The following ADAMTS17 variants were observed in gnomAD, a reference collection of about 807,000 sequenced individuals.
ADAMTS17 encodes the protein A disintegrin and metalloproteinase with thrombospondin motifs 17.
A neutral mutation model predicts 141.5 loss-of-function variants in ADAMTS17; 113 were observed. The ratio of observed to expected loss-of-function variants is 0.80; its 90% CI spans 0.69 to 0.93. The LOEUF (loss-of-function observed/expected upper bound fraction) is 0.93, where lower values mean the gene tolerates loss of function less well. ADAMTS17 is among the 40% of genes least tolerant of loss of function. The probability of loss-of-function intolerance (pLI) is 0.00; values close to 1 mark genes in which losing one functional copy is unlikely to be tolerated. For synonymous variants in ADAMTS17, 768 were observed against 630.6 expected, an observed-to-expected ratio of 1.22 and a Z score of -3.27; for missense variants, 1,659 against 1,517.9, an observed-to-expected ratio of 1.09 and a Z score of -1.54.
chr15:100,254,187 AT>A lies in ADAMTS17; in HGVS notation c.1032-9del, dbSNP rs1215391197. ...TGTACACAGAAATCTGTCCTAAAAA[AT>A]AAAAAAGCCATCATCAGGTATATGC... On this transcript the variant is annotated splice_polypyrimidine_tract_variant and intron_variant, in intron 6 of 21. Coordinates refer to ENST00000268070, the MANE Select transcript of ADAMTS17 (RefSeq NM_139057.4). 1 of 1,613,120 alleles carries A rather than the reference AT, an allele frequency of 6.2e-7. No homozygotes were observed. Among genetic ancestry groups the A allele is most frequent in the African/African-American group, 1.3e-5 (1 of 74,898 alleles).
At chr15:100,111,841 A>G (rs568726710) in intron 13 of ADAMTS17, among the ~76,000 whole-genome samples, 2 of 152,354 alleles carry the variant, frequency 1.3e-5, no homozygotes, top group South Asian at 4.1e-4. Flanking sequence ...ACAGACATGC[A>G]TACAGGGCTC....
chr15:100,159,941 G>C (rs531382428), intron 8 of ADAMTS17, among the ~76,000 whole-genome samples: 2 of 152,288 alleles, frequency 1.3e-5, no homozygotes, highest in African/African-American at 4.8e-5. Flanking sequence ...ACAGGGTCTG[G>C]AACCATGAGC....
At chr15:100,077,450 A>G (rs1447522929) in intron 15 of ADAMTS17, among the ~76,000 whole-genome samples, 1 of 105,210 alleles carries the variant, frequency 9.5e-6, no homozygotes, top group Non-Finnish European at 2.0e-5. Context: ...CAACAGAGTG[A>G]GACTCCCTCT....
chr15:100,272,366 T>A (rs562058837), intron 4 of ADAMTS17, among the ~76,000 whole-genome samples: 21 of 152,226 alleles, frequency 1.4e-4, no homozygotes, highest in South Asian at 1.2e-3. Flanking sequence ...TTCTTTAATT[T>A]CCTTCATTGA....
intron 2 of ADAMTS17, 154 bp downstream of exon 2, chr15:100,340,885 T>G: frequency 1.7e-6 from 2 of 1,179,846 alleles, no homozygotes; most frequent in Non-Finnish European, 2.4e-6. Flanking sequence ...AAGGCCGGGG[T>G]GGGGGATGGG....
chr15:100,301,124 T>G (rs145139270), intron 3 of ADAMTS17, among the ~76,000 whole-genome samples: 3 of 152,190 alleles, frequency 2.0e-5, no homozygotes, highest in Non-Finnish European at 4.4e-5. Flanking sequence ...TAAATATTAT[T>G]CCCAGTTTTA....
chr15:100,250,225 C>T (rs999472427), intron 7 of ADAMTS17, among the ~76,000 whole-genome samples: 2 of 152,154 alleles, frequency 1.3e-5, no homozygotes, highest in South Asian at 4.1e-4. Context: ...GAGCTGCACC[C>T]TAATTAAAAC....
chr15:99,997,476 G>C lies in ADAMTS17; in HGVS notation c.2705C>G (p.Pro902Arg). 1 of 1,613,562 alleles carries C rather than the reference G, an allele frequency of 6.2e-7. No homozygotes were observed. ...LQNGTHVATR[P>R]LYCPGPRPAA... ...CGGCCGGGGGCCCGGGCAGTAGAGG[G>C]GCCGCGTAGCGACGTGTGTGCCGTT... Residue 902 changes from proline to arginine, a missense_variant, in exon 19 of 22, where the codon CCC becomes CGC. By Grantham distance (103) the Pro-to-Arg change is moderately radical (BLOSUM62 -2). Transcript: ENST00000268070. The surrounding 1 kb of genome is among the most constrained non-coding windows in gnomAD (Gnocchi z 4.7).
intron 10 of ADAMTS17, among the ~76,000 whole-genome samples, chr15:100,144,376 C>T (rs1190284930): frequency 6.6e-6 from 1 of 152,070 alleles, no homozygotes; most frequent in South Asian, 2.1e-4. Flanking sequence ...ATGGCAAAAC[C>T]CTGTCTCTAC....
chr15:100,096,626 T>A, intron 14 of ADAMTS17, 150 bp from the exon 15 acceptor site: 1 of 1,009,500 alleles, frequency 9.9e-7, no homozygotes, highest in Non-Finnish European at 1.5e-6. Context: ...ATATTTTAAT[T>A]CAGGAGAGAA....
At chr15:100,271,154 C>T (rs940275352) in intron 4 of ADAMTS17, among the ~76,000 whole-genome samples, 9 of 152,148 alleles carry the variant, frequency 5.9e-5, no homozygotes, top group African/African-American at 1.4e-4. Context: ...CATCTGTGGA[C>T]ACTTTGGGTT....
At chr15:100,196,164 T>C (rs2041107466) in intron 8 of ADAMTS17, among the ~76,000 whole-genome samples, 1 of 152,232 alleles carries the variant, frequency 6.6e-6, no homozygotes, top group East Asian at 1.9e-4. Flanking sequence ...AATTACAACT[T>C]AGGACCTATT....
At chr15:100,265,414 C>A (rs4965615) in intron 4 of ADAMTS17, among the ~76,000 whole-genome samples, 60,171 of 152,094 alleles carry the variant, frequency 0.4, 12,196 homozygotes, top group East Asian at 0.51. Context: ...AGCCAAGCGT[C>A]TGGAAATTCC....
At chr15:100,049,814 TCA>T (rs1306855624) in intron 17 of ADAMTS17, among the ~76,000 whole-genome samples, 2 of 152,196 alleles carry the variant, frequency 1.3e-5, no homozygotes, top group African/African-American at 2.4e-5. Flanking sequence ...CTTCTGTGTC[TCA>T]GTTTCCTCAA....
intron 2 of ADAMTS17, among the ~76,000 whole-genome samples, 199 bp downstream of exon 2, chr15:100,340,840 G>A (rs2046341200): frequency 6.6e-6 from 1 of 152,290 alleles, no homozygotes; most frequent in East Asian, 1.9e-4. Context: ...CTGGGATGCT[G>A]CCCCTCCCAC....
chr15:100,097,974 T>C (rs1156477740), intron 14 of ADAMTS17, among the ~76,000 whole-genome samples: 2 of 152,320 alleles, frequency 1.3e-5, no homozygotes, highest in South Asian at 4.2e-4. Context: ...TTAGATGTTC[T>C]AAAAGCTGAG....
intron 15 of ADAMTS17, chr15:100,063,737 A>G (rs1487930585): frequency 7.8e-7 from 1 of 1,290,156 alleles, no homozygotes; most frequent in Admixed American, 2.3e-5. Flanking sequence ...CTCCAGCAGG[A>G]ATGACGGCAG....
At chr15:100,302,869 C>G (rs2045090545) in intron 3 of ADAMTS17, among the ~76,000 whole-genome samples, 1 of 152,040 alleles carries the variant, frequency 6.6e-6, no homozygotes, top group Non-Finnish European at 1.5e-5. Context: ...CCTAACCCTG[C>G]CAGGGAGGTT....
At chr15:100,313,780 C>T (rs1053147382) in intron 3 of ADAMTS17, among the ~76,000 whole-genome samples, 4 of 149,318 alleles carry the variant, frequency 2.7e-5, no homozygotes, top group African/African-American at 5.0e-5. Flanking sequence ...CATGAAGAAA[C>T]GTCAGACAAA....
Sources: allele counts gnomAD v4.1 joint callset (sites outside exome capture counted in the v4.1 genomes callset), GRCh38; gene constraint gnomAD v4.1.1; non-coding constraint Gnocchi (gnomAD v3.1); transcripts MANE v1.5; gene names NCBI Gene and HGNC (gene_info 2026-07-23, HGNC 2026-07-21).